UNC79: variants seen among roughly 807,000 people sequenced by gnomAD.
UNC79 encodes protein unc-79 homolog.
UNC79 carries 37 observed loss-of-function variants against 283.1 expected under a neutral mutation model. The observed-to-expected ratio is 0.13, with a 90% CI of 0.10 to 0.17. The LOEUF (loss-of-function observed/expected upper bound fraction) is 0.17, where lower values mean the gene tolerates loss of function less well. Ranked by LOEUF, UNC79 falls within the 10% of genes least tolerant of loss-of-function variation. The pLI is 1.00. For missense variants in UNC79, 2,272 were observed against 3,211.1 expected, an observed-to-expected ratio of 0.71 and a Z score of 7.07; for synonymous variants, 1,107 against 1,200.2, an observed-to-expected ratio of 0.92 and a Z score of 1.61.
At chr14:93,466,523 G>A (rs905200835) in intron 1 of UNC79, among the ~76,000 whole-genome samples, 5 of 152,234 alleles carry the variant, frequency 3.3e-5, no homozygotes, top group African/African-American at 1.2e-4. Context: ...GTTATGGGAA[G>A]AGGTCTCTAA....
chr14:93,563,856 A>G (rs924086427), intron 14 of UNC79, among the ~76,000 whole-genome samples: 7 of 152,230 alleles, frequency 4.6e-5, no homozygotes, highest in Admixed American at 2.0e-4. Context: ...AAGAGTGAGT[A>G]TAGCTGAAGG....
intron 14 of UNC79, among the ~76,000 whole-genome samples, chr14:93,549,490 C>T (rs1957669): frequency 0.59 from 89,315 of 151,978 alleles, 26,929 homozygotes; most frequent in Admixed American, 0.67. Context: ...ACTGAAATCA[C>T]GTACACCTGA....
intron 25 of UNC79, among the ~76,000 whole-genome samples, chr14:93,602,807 A>G (rs1021709757): frequency 1.3e-5 from 2 of 151,818 alleles, no homozygotes; most frequent in Admixed American, 1.3e-4. Flanking sequence ...TACCTGGCTA[A>G]TTTTTCCTTT....
At chr14:93,468,007 C>T (rs952007022) in intron 2 of UNC79, among the ~76,000 whole-genome samples, 3 of 151,972 alleles carry the variant, frequency 2.0e-5, no homozygotes, top group Non-Finnish European at 4.4e-5. Flanking sequence ...TGCCTGCTTT[C>T]CCGCATTGAA....
At chr14:93,351,484 C>G (rs1188641556) in intron 1 of UNC79, among the ~76,000 whole-genome samples, 1 of 152,152 alleles carries the variant, frequency 6.6e-6, no homozygotes, top group African/African-American at 2.4e-5. Flanking sequence ...TCAACAAATA[C>G]TGAATTCCTG....
At chr14:93,519,724 A>G (rs1234185078) in intron 7 of UNC79, among the ~76,000 whole-genome samples, 2 of 151,716 alleles carry the variant, frequency 1.3e-5, no homozygotes, top group Non-Finnish European at 3.0e-5. Flanking sequence ...ATCTTTAAAA[A>G]ATTGCTCTTG....
chr14:93,393,350 A>C (rs1033540705), intron 1 of UNC79, among the ~76,000 whole-genome samples: 4 of 152,246 alleles, frequency 2.6e-5, no homozygotes, highest in African/African-American at 9.6e-5. Context: ...AGTCATTAAA[A>C]TAAGGCTCAT....
At chr14:93,549,782 T>C (rs2061779653) in intron 14 of UNC79, among the ~76,000 whole-genome samples, 1 of 152,268 alleles carries the variant, frequency 6.6e-6, no homozygotes, top group Non-Finnish European at 1.5e-5. Context: ...AACAGTTGGC[T>C]GCCTTTGATT....
intron 14 of UNC79, among the ~76,000 whole-genome samples, chr14:93,563,109 G>A (rs1328255855): frequency 2.0e-5 from 3 of 152,200 alleles, no homozygotes; most frequent in Admixed American, 1.3e-4. Context: ...GAGGCTGGAA[G>A]GAGATATTTT....
Position 93,641,941 on chromosome 14 carries a change from C to T in UNC79, c.5903+694C>T, listed in dbSNP as rs140245926. Among the ~76,000 whole-genome samples, 1,468 of 152,308 alleles carry T rather than the reference C, an allele frequency of 9.6e-3. 13 individuals carry two copies. Among genetic ancestry groups the T allele is most frequent in the Non-Finnish European group, 0.014 (931 of 68,028 alleles). ...TTTTATGAATGGGAGTTCCCCTGCA[C>T]AAGCTCTCTTGCCTCCTGCCATGTA... On this transcript the variant is annotated intron_variant, in intron 33 of 48. Transcript: ENST00000555664.
chr14:93,554,264 C>G (rs1044162733), intron 14 of UNC79, among the ~76,000 whole-genome samples: 9 of 151,602 alleles, frequency 5.9e-5, no homozygotes, highest in African/African-American at 1.9e-4. Flanking sequence ...AGGAGAGTCA[C>G]TTGAACCCAG....
intron 1 of UNC79, among the ~76,000 whole-genome samples, chr14:93,448,120 T>C (rs1173077328): frequency 6.6e-6 from 1 of 152,052 alleles, no homozygotes; most frequent in Non-Finnish European, 1.5e-5. Flanking sequence ...CCATCACACA[T>C]ATGTACCTCT....
intron 1 of UNC79, among the ~76,000 whole-genome samples, chr14:93,439,837 C>T (rs1273217857): frequency 6.6e-6 from 1 of 151,960 alleles, no homozygotes; most frequent in African/African-American, 2.4e-5. Flanking sequence ...AGTTTTATTT[C>T]TCTAAAAAAT....
chr14:93,538,329 G>A, intron 12 of UNC79, 111 bp downstream of exon 12: 1 of 1,075,928 alleles, frequency 9.3e-7, no homozygotes, highest in Non-Finnish European at 1.3e-6. Context: ...CCTTAGCCCA[G>A]ATGCTCACCT....
chr14:93,673,465 T>C lies in UNC79; in HGVS notation c.6741+10T>C, dbSNP rs769497604. On this transcript the variant is annotated intron_variant, in intron 41 of 48. Transcript: ENST00000555664. Reference sequence around the variant, plus strand: ...TCTTCTGCTTGTTCAGGTAAGCTCATGCTTGATTTGTAAAACTTTTCATGA... The same window carrying C: ...TCTTCTGCTTGTTCAGGTAAGCTCACGCTTGATTTGTAAAACTTTTCATGA... 11 of 1,608,864 alleles carry C rather than the reference T, an allele frequency of 6.8e-6. No homozygotes were observed. The East Asian group carries it at 1.3e-4, about 20-fold the overall frequency.
intron 1 of UNC79, chr14:93,334,688 C>G (rs897287582): frequency 6.6e-6 from 1 of 152,210 alleles, no homozygotes; most frequent in South Asian, 2.1e-4. Flanking sequence ...CTGTGCGGAT[C>G]GATCAATGCA....
chr14:93,487,852 C>A, intron 5 of UNC79, 97 bp downstream of exon 5: 1 of 1,152,368 alleles, frequency 8.7e-7, no homozygotes, highest in Non-Finnish European at 1.2e-6. Flanking sequence ...AGAACGTCAT[C>A]ATCATAGAGA....
chr14:93,532,507 G>T (rs761336260), intron 10 of UNC79, 43 bp from the exon 11 acceptor site: 103 of 1,591,958 alleles, frequency 6.5e-5, no homozygotes, highest in Admixed American at 2.4e-4. Flanking sequence ...AATTAGAGGG[G>T]CTCTCTTTCT....
At chr14:93,670,856 A>G (rs776350649) in intron 40 of UNC79, among the ~76,000 whole-genome samples, 1 of 152,220 alleles carries the variant, frequency 6.6e-6, no homozygotes, top group Non-Finnish European at 1.5e-5. Flanking sequence ...AAAAAGAATC[A>G]GTTTGGGAGA....
Sources: gnomAD v4.1 joint callset for allele counts (sites outside exome capture counted in the v4.1 genomes callset) on GRCh38, gnomAD v4.1.1 for gene constraint, MANE v1.5 for transcripts, NCBI Gene and HGNC (gene_info 2026-07-23, HGNC 2026-07-21) for gene names.